Variants in ANKS1B observed in about 807,000 individuals in gnomAD.
The protein encoded by ANKS1B is ankyrin repeat and sterile alpha motif domain-containing protein 1B.
In ANKS1B, 36 loss-of-function variants were observed where a neutral mutation model predicts 148.3. The observed-to-expected ratio is 0.24, with a 90% CI of 0.19 to 0.32. The LOEUF is 0.32. Among genes scored for constraint, ANKS1B ranks in the 10% least tolerant of loss-of-function variants. The probability of loss-of-function intolerance (pLI) is 1.00; values close to 1 mark genes in which losing one functional copy is unlikely to be tolerated. For synonymous variants in ANKS1B, 542 were observed against 560.8 expected, an observed-to-expected ratio of 0.97 and a Z score of 0.47; for missense variants, 1,157 against 1,542.6, an observed-to-expected ratio of 0.75 and a Z score of 4.19.
chr12:99,538,374 G>A (rs2097093628), intron 9 of ANKS1B, among the ~76,000 whole-genome samples: 1 of 151,950 alleles, frequency 6.6e-6, no homozygotes, highest in South Asian at 2.1e-4. Flanking sequence ...ATAATATTGA[G>A]TCTTCCAATC....
chr12:99,487,858 T>A (rs1289289091), intron 10 of ANKS1B, among the ~76,000 whole-genome samples: 1 of 152,172 alleles, frequency 6.6e-6, no homozygotes, highest in East Asian at 1.9e-4. Context: ...AATTCTATTA[T>A]TCAATAGTTC....
chr12:98,979,957 C>CT (rs2099906764), intron 17 of ANKS1B, among the ~76,000 whole-genome samples: 1 of 152,092 alleles, frequency 6.6e-6, no homozygotes, highest in African/African-American at 2.4e-5. Context: ...TTTCACTACT[C>CT]TTTTTTTCTA....
chr12:99,621,510 A>C (rs1439480885), intron 9 of ANKS1B, among the ~76,000 whole-genome samples: 2 of 151,836 alleles, frequency 1.3e-5, no homozygotes, highest in South Asian at 2.1e-4. Context: ...TTCAAGAGAG[A>C]CATCTTACAC....
At chr12:99,625,856 G>A (rs1332783132) in intron 9 of ANKS1B, among the ~76,000 whole-genome samples, 1 of 152,100 alleles carries the variant, frequency 6.6e-6, no homozygotes, top group East Asian at 1.9e-4. Context: ...TAATAAAAGG[G>A]TAATGATAGT....
chr12:98,866,319 G>A (rs772482520), intron 17 of ANKS1B, among the ~76,000 whole-genome samples: 2 of 152,132 alleles, frequency 1.3e-5, no homozygotes, highest in African/African-American at 2.4e-5. Flanking sequence ...TAGGCTCTGG[G>A]CCTTCTCACC....
chr12:99,242,052 A>T (rs1365084198), intron 14 of ANKS1B, among the ~76,000 whole-genome samples: 1 of 152,210 alleles, frequency 6.6e-6, no homozygotes, highest in Non-Finnish European at 1.5e-5. Context: ...TGGCCAGAGC[A>T]ATCAGGCAAG....
intron 5 of ANKS1B, among the ~76,000 whole-genome samples, chr12:99,780,213 T>C (rs564090947): frequency 6.6e-6 from 1 of 152,104 alleles, no homozygotes; most frequent in Non-Finnish European, 1.5e-5. Flanking sequence ...GGAACATTCT[T>C]GATCATCAAT....
chr12:99,932,088 G>T (rs2094632348), intron 1 of ANKS1B, among the ~76,000 whole-genome samples: 1 of 152,068 alleles, frequency 6.6e-6, no homozygotes, highest in Admixed American at 6.5e-5. Flanking sequence ...CCATGTTGTT[G>T]CAAATTACAG....
rs570345083 is a variant in ANKS1B at position 99,652,437 on chromosome 12, C to T, written c.1272+2630G>A. ...GCAGTGATCCAAGATCGTACCACTG[C>T]ACTCCAGCCTGGGAAACAGAGCGAG... is the stretch of plus-strand genomic sequence containing the variant. On this transcript the variant is annotated intron_variant, in intron 9 of 26. Transcript: ENST00000683438. Among the ~76,000 whole-genome samples the T allele has an allele frequency of 5.9e-5, 9 of 151,738 alleles. No homozygotes were observed. In the East Asian group the frequency reaches 1.5e-3, roughly 26 times the overall value.
At chr12:98,927,765 AATAAAG>A (rs2099810056) in intron 17 of ANKS1B, among the ~76,000 whole-genome samples, 1 of 151,850 alleles carries the variant, frequency 6.6e-6, no homozygotes, top group Non-Finnish European at 1.5e-5. Context: ...CCACTAAGAA[AATAAAG>A]ATATAGTAAG....
At chr12:99,968,173 C>A (rs995745137) in intron 1 of ANKS1B, among the ~76,000 whole-genome samples, 1 of 152,142 alleles carries the variant, frequency 6.6e-6, no homozygotes, top group Non-Finnish European at 1.5e-5. Flanking sequence ...CACAGCCTAA[C>A]ACTAGAGTTG....
At chr12:99,641,916 T>A (rs993486528) in intron 9 of ANKS1B, among the ~76,000 whole-genome samples, 3 of 152,112 alleles carry the variant, frequency 2.0e-5, no homozygotes, top group Non-Finnish European at 4.4e-5. Context: ...ACAATAGATA[T>A]GCAAACTATA....
intron 2 of ANKS1B, among the ~76,000 whole-genome samples, chr12:99,819,170 A>G (rs913996579): frequency 2.0e-5 from 3 of 151,906 alleles, no homozygotes; most frequent in African/African-American, 4.8e-5. Flanking sequence ...TTTAATGGGA[A>G]TAAAGTTGCA....
chr12:99,729,498 T>A (rs2058932313), intron 8 of ANKS1B, among the ~76,000 whole-genome samples: 3 of 152,170 alleles, frequency 2.0e-5, no homozygotes, highest in African/African-American at 7.2e-5. Context: ...TTGATTTTTT[T>A]AATCATTTCT....
At chr12:99,493,378 C>CA (rs1207686553) in intron 10 of ANKS1B, among the ~76,000 whole-genome samples, 1 of 148,940 alleles carries the variant, frequency 6.7e-6, no homozygotes, top group African/African-American at 2.6e-5. Context: ...ATCTCTGGGA[C>CA]ACACCTAGGG....
rs1322465000 is a variant in ANKS1B at position 98,751,512 on chromosome 12, T to C, written c.3590A>G (p.Tyr1197Cys). The C allele has an allele frequency of 1.9e-6, 3 of 1,613,498 alleles. No individual in the cohort carries two copies. Among genetic ancestry groups the C allele is most frequent in the South Asian group, 1.1e-5 (1 of 90,954 alleles). ...VFTAFDVNLAYEIILTLGQAF... is the reference protein window; with the variant it reads ...VFTAFDVNLACEIILTLGQAF... ...CTGTCCCAGGGTTAGGATGATTTCA[T>C]AGGCTAAATTCTGCAAGAAAAATGA... The change falls in exon 26 of 27, where the codon TAT (tyrosine) becomes TGT (cysteine). Residue 1197 changes from tyrosine to cysteine, a missense_variant. Physicochemically the swap from Tyr to Cys is radical, Grantham distance 194. Around this residue, in one of 6 missense-constraint regions of ANKS1B, gnomAD observed 258 missense variants for 497.0 expected, o/e 0.52. Coordinates refer to ENST00000683438, the MANE Select transcript of ANKS1B (RefSeq NM_001352186.2). This position sits in a 1 kb window ranked among gnomAD's most constrained non-coding sequence, Gnocchi z 4.3.
intron 15 of ANKS1B, among the ~76,000 whole-genome samples, chr12:99,106,107 A>G (rs2059155161): frequency 6.6e-6 from 1 of 152,216 alleles, no homozygotes; most frequent in Non-Finnish European, 1.5e-5. Context: ...AAGGGCTCAG[A>G]TCTCTACTTC....
chr12:98,831,968 T>A, intron 18 of ANKS1B, 61 bp downstream of exon 18: 1 of 1,462,212 alleles, frequency 6.8e-7, no homozygotes, highest in Non-Finnish European at 9.4e-7. Context: ...GCCAGGCTGG[T>A]CTCAAACAAA....
At chr12:99,031,370 T>C (rs1015415274) in intron 17 of ANKS1B, among the ~76,000 whole-genome samples, 4 of 152,224 alleles carry the variant, frequency 2.6e-5, no homozygotes, top group African/African-American at 7.2e-5. Context: ...GTGGTTTCTA[T>C]AGCTCTGTGA....
Sources: allele counts gnomAD v4.1 joint callset (sites outside exome capture counted in the v4.1 genomes callset), GRCh38; gene constraint gnomAD v4.1.1; regional missense constraint gnomAD v4.1.1; non-coding constraint Gnocchi (gnomAD v3.1); transcripts MANE v1.5; gene names NCBI Gene and HGNC (gene_info 2026-07-23, HGNC 2026-07-21).